Variants in TRAF3 observed in about 807,000 individuals in gnomAD.
The protein encoded by TRAF3 is TNF receptor-associated factor 3.
A neutral mutation model predicts 62.3 loss-of-function variants in TRAF3; 13 were observed. That is an observed-to-expected ratio of 0.21 (90% CI 0.14 to 0.33). The LOEUF is 0.33. Among genes scored for constraint, TRAF3 ranks in the 10% least tolerant of loss-of-function variants. The probability of loss-of-function intolerance (pLI) is 1.00; values close to 1 mark genes in which losing one functional copy is unlikely to be tolerated. For missense variants in TRAF3, 440 were observed against 741.8 expected, an observed-to-expected ratio of 0.59 and a Z score of 4.73; for synonymous variants, 269 against 283.4, an observed-to-expected ratio of 0.95 and a Z score of 0.51.
intron 1 of TRAF3, among the ~76,000 whole-genome samples, chr14:102,815,216 G>A (rs569530983): frequency 6.6e-6 from 1 of 152,334 alleles, no homozygotes; most frequent in South Asian, 2.1e-4. Flanking sequence ...TGGGATTACA[G>A]ATGTGAGCCA....
intron 1 of TRAF3, among the ~76,000 whole-genome samples, chr14:102,791,619 A>G (rs952339361): frequency 6.6e-6 from 1 of 152,064 alleles, no homozygotes; most frequent in African/African-American, 2.4e-5. Flanking sequence ...GAATCATGTC[A>G]CCTGCATATA....
intron 2 of TRAF3, among the ~76,000 whole-genome samples, chr14:102,843,920 A>G (rs1886538259): frequency 6.6e-6 from 1 of 152,288 alleles, no homozygotes. Context: ...AACACTATGG[A>G]TTCAGTAGAC....
At chr14:102,853,063 G>A (rs1345659002) in intron 2 of TRAF3, among the ~76,000 whole-genome samples, 6 of 151,888 alleles carry the variant, frequency 4.0e-5, no homozygotes, top group Admixed American at 3.3e-4. Flanking sequence ...CACCACGTCC[G>A]GCTAATTTTT....
At chr14:102,887,152 G>GC (rs1210889515) in intron 7 of TRAF3, among the ~76,000 whole-genome samples, 2 of 152,232 alleles carry the variant, frequency 1.3e-5, no homozygotes, top group African/African-American at 2.4e-5. Context: ...TAATGTTTCT[G>GC]CATCTGTCCT....
chr14:102,834,293 C>T (rs145495908), intron 2 of TRAF3, among the ~76,000 whole-genome samples: 2 of 152,264 alleles, frequency 1.3e-5, no homozygotes, highest in East Asian at 1.9e-4. Flanking sequence ...TAAGGCTGCA[C>T]ACCTACAACC....
At chr14:102,795,386 G>A (rs1431624503) in intron 1 of TRAF3, among the ~76,000 whole-genome samples, 1 of 152,184 alleles carries the variant, frequency 6.6e-6, no homozygotes, top group Non-Finnish European at 1.5e-5. Flanking sequence ...AGTGCCCCTT[G>A]CTTGTACCTC....
intron 2 of TRAF3, among the ~76,000 whole-genome samples, chr14:102,839,261 C>T: frequency 7.0e-6 from 1 of 143,060 alleles, no homozygotes; most frequent in East Asian, 2.0e-4. Flanking sequence ...CTCTGTCACC[C>T]AGGCTGTAGT....
intron 2 of TRAF3, among the ~76,000 whole-genome samples, chr14:102,850,201 A>T (rs558127383): frequency 6.6e-6 from 1 of 152,308 alleles, no homozygotes; most frequent in East Asian, 1.9e-4. Context: ...CTAGGTATGG[A>T]TATGCCTCAG....
intron 2 of TRAF3, among the ~76,000 whole-genome samples, chr14:102,856,097 CA>C (rs3070340): frequency 0.078 from 4,899 of 63,116 alleles, 195 homozygotes; most frequent in African/African-American, 0.24. Flanking sequence ...CCCTGTCTCA[CA>C]AAAAAAAAAA....
intron 1 of TRAF3, among the ~76,000 whole-genome samples, chr14:102,809,493 T>C (rs1393607954): frequency 6.6e-6 from 1 of 151,778 alleles, no homozygotes; most frequent in East Asian, 1.9e-4. Flanking sequence ...TGAGGATTAT[T>C]TTTAAGCTTT....
At chr14:102,870,471 G>T (rs1350912234) in intron 3 of TRAF3, 25 bp downstream of exon 3, 3 of 1,610,120 alleles carry the variant, frequency 1.9e-6, no homozygotes, top group African/African-American at 1.3e-5. Context: ...CCGGCCCGTC[G>T]CCCGGCCCCT....
At chr14:102,897,631 A>G (rs1255699201) in intron 10 of TRAF3, among the ~76,000 whole-genome samples, 2 of 152,216 alleles carry the variant, frequency 1.3e-5, no homozygotes, top group African/African-American at 4.8e-5. Context: ...CTGGAGAGCA[A>G]GCCTCCACCC....
At position 102,826,426 on chromosome 14, in the gene TRAF3, G is replaced by A. The variant is rs558403979; in HGVS notation, c.-156-3908G>A. Among the ~76,000 whole-genome samples, 7 of 152,326 alleles carry A rather than the reference G, an allele frequency of 4.6e-5. No individual in the cohort carries two copies. The highest frequency in any genetic ancestry group is 1.7e-4 in the African/African-American group (7 of 41,574). On this transcript the variant is annotated intron_variant, in intron 1 of 11. Coordinates refer to ENST00000392745, the MANE Select transcript of TRAF3 (RefSeq NM_145725.3). The surrounding 1 kb of genome is among the most constrained non-coding windows in gnomAD (Gnocchi z 4.6). ...TCTGTGCGGGGGCAGCTGCAGAGCCGCCGCTTCAGGACAGCATGGGAGCTG... is the reference window on the plus strand; with the variant it reads ...TCTGTGCGGGGGCAGCTGCAGAGCCACCGCTTCAGGACAGCATGGGAGCTG...
At chr14:102,784,666 C>T (rs12586226) in intron 1 of TRAF3, among the ~76,000 whole-genome samples, 30,047 of 152,116 alleles carry the variant, frequency 0.2, 3,283 homozygotes, top group East Asian at 0.38. Context: ...TCTCTGTTTT[C>T]AAGGAGCTTC....
At chr14:102,874,382 G>A (rs568824608) in intron 4 of TRAF3, among the ~76,000 whole-genome samples, 2 of 151,998 alleles carry the variant, frequency 1.3e-5, no homozygotes, top group African/African-American at 4.8e-5. Context: ...TCAGCCTCCC[G>A]AGTAGCTGGG....
Position 102,826,419 on chromosome 14 carries a change from C to G in TRAF3, c.-156-3915C>G, listed in dbSNP as rs1318338946. Among the ~76,000 whole-genome samples, 1 of 152,180 alleles carries G rather than the reference C, an allele frequency of 6.6e-6. No individual in the cohort carries two copies. Among genetic ancestry groups the G allele is most frequent in the Non-Finnish European group, 1.5e-5 (1 of 68,034 alleles). ...CAGGGCTTCTGTGCGGGGGCAGCTG[C>G]AGAGCCGCCGCTTCAGGACAGCATG... On this transcript the variant is annotated intron_variant, in intron 1 of 11. Coordinates refer to ENST00000392745, the MANE Select transcript of TRAF3 (RefSeq NM_145725.3). The surrounding 1 kb of genome is among the most constrained non-coding windows in gnomAD (Gnocchi z 4.6).
At chr14:102,857,103 C>G (rs1403338314) in intron 2 of TRAF3, among the ~76,000 whole-genome samples, 1 of 152,180 alleles carries the variant, frequency 6.6e-6, no homozygotes, top group African/African-American at 2.4e-5. Flanking sequence ...GTTGTTGAAA[C>G]CAAACTGATA....
At chr14:102,786,285 G>A (rs773081546) in intron 1 of TRAF3, among the ~76,000 whole-genome samples, 2 of 152,126 alleles carry the variant, frequency 1.3e-5, no homozygotes, top group African/African-American at 2.4e-5. Context: ...GGTGATGGTC[G>A]CACAACATTA....
intron 9 of TRAF3, among the ~76,000 whole-genome samples, chr14:102,894,397 C>T (rs1889893147): frequency 6.6e-6 from 1 of 152,198 alleles, no homozygotes; most frequent in African/African-American, 2.4e-5. Flanking sequence ...CTTAAAAACA[C>T]CCATTTTATA....
Sources: gnomAD v4.1 joint callset for allele counts (sites outside exome capture counted in the v4.1 genomes callset) on GRCh38, gnomAD v4.1.1 for gene constraint, Gnocchi (gnomAD v3.1) non-coding constraint, MANE v1.5 for transcripts, NCBI Gene and HGNC (gene_info 2026-07-23, HGNC 2026-07-21) for gene names.